SETD5: variants seen among roughly 807,000 people sequenced by gnomAD.
SETD5 encodes the protein histone-lysine N-methyltransferase SETD5.
SETD5 carries 44 observed loss-of-function variants against 153.3 expected under a neutral mutation model. That is an observed-to-expected ratio of 0.29 (90% CI 0.23 to 0.37). SETD5 has a LOEUF of 0.37. Ranked by LOEUF, SETD5 falls within the 10% of genes least tolerant of loss-of-function variation. The pLI, the probability that SETD5 is intolerant of heterozygous loss-of-function variation, is 1.00. For synonymous variants in SETD5, 716 were observed against 645.2 expected, an observed-to-expected ratio of 1.11 and a Z score of -1.66; for missense variants, 1,544 against 1,768.0, an observed-to-expected ratio of 0.87 and a Z score of 2.27.
intron 1 of SETD5, among the ~76,000 whole-genome samples, chr3:9,423,479 C>T (rs1423169790): frequency 1.3e-5 from 2 of 152,098 alleles, no homozygotes; most frequent in African/African-American, 2.4e-5. Context: ...TTCATTTACC[C>T]CCTACTGTAC....
At chr3:9,429,048 C>G in intron 3 of SETD5, 39 bp downstream of exon 3, 1 of 1,471,488 alleles carries the variant, frequency 6.8e-7, no homozygotes, top group Admixed American at 1.7e-5. Flanking sequence ...CATTATCAGT[C>G]TGTGTGGAGA....
At chr3:9,473,746 C>T (rs916669639) in intron 20 of SETD5, among the ~76,000 whole-genome samples, 1 of 152,164 alleles carries the variant, frequency 6.6e-6, no homozygotes. Context: ...TACCAACATG[C>T]CTGTGGAGCA....
At chr3:9,464,186 T>G (rs1232588070) in intron 17 of SETD5, among the ~76,000 whole-genome samples, 1 of 152,140 alleles carries the variant, frequency 6.6e-6, no homozygotes, top group African/African-American at 2.4e-5. Flanking sequence ...AGAAATTAAA[T>G]TAGAGATCAG....
chr3:9,463,336 T>C (rs2044200893), intron 17 of SETD5, among the ~76,000 whole-genome samples: 2 of 152,240 alleles, frequency 1.3e-5, no homozygotes, highest in African/African-American at 4.8e-5. Context: ...TTCTATTTCT[T>C]ACAAATTTTA....
chr3:9,471,607 G>A (rs1414073401), intron 19 of SETD5, among the ~76,000 whole-genome samples: 1 of 152,230 alleles, frequency 6.6e-6, no homozygotes, highest in Non-Finnish European at 1.5e-5. Context: ...TGCAGAGAGT[G>A]CTGGGCTGGG....
At chr3:9,426,853 C>T (rs919103872) in intron 2 of SETD5, among the ~76,000 whole-genome samples, 27 of 152,044 alleles carry the variant, frequency 1.8e-4, no homozygotes, top group African/African-American at 6.5e-4. Flanking sequence ...ATTTCCCAGC[C>T]CAGCTATATG....
intron 3 of SETD5, chr3:9,433,641 T>G: frequency 1.1e-6 from 1 of 940,132 alleles, no homozygotes. Context: ...TGGCTTCATG[T>G]TACACACAAA....
intron 3 of SETD5, chr3:9,431,601 A>G (rs1357614770): frequency 1.1e-5 from 11 of 985,570 alleles, no homozygotes. Context: ...TAAATTTTAT[A>G]TTTGGCATGC....
chr3:9,410,877 C>CTT (rs34787440), intron 1 of SETD5, among the ~76,000 whole-genome samples: 7,282 of 146,084 alleles, frequency 0.05, 257 homozygotes, highest in Admixed American at 0.11. Context: ...TAAAAATTCT[C>CTT]TTTTTTTTTT....
chr3:9,434,493 C>G lies in SETD5; in HGVS notation c.329+8C>G. ...CAACTGTGACAAGTGCAGGTAAGAT[C>G]CTGTTCCATCTAAATTTAAGTCTGG... On this transcript the variant is annotated splice_region_variant and intron_variant, in intron 5 of 22. Transcript: ENST00000402198. This position sits in a 1 kb window ranked among gnomAD's most constrained non-coding sequence, Gnocchi z 5.6. The G allele has an allele frequency of 6.2e-7, 1 of 1,613,860 alleles. No homozygotes were observed. The highest frequency in any genetic ancestry group is 8.5e-7 in the Non-Finnish European group (1 of 1,179,816).
rs2258735 is a variant in SETD5, at chr3:9,448,083, T to C, written c.2103+77T>C. On this transcript the variant is annotated intron_variant, in intron 15 of 22. Transcript: ENST00000402198. ...GTGAAATGAGAGGACCTATAATCCCTAGAAGAAACTAATCTCAATATTACT... is the reference window on the plus strand; with the variant it reads ...GTGAAATGAGAGGACCTATAATCCCCAGAAGAAACTAATCTCAATATTACT... 0.94 allele frequency: 1,331,593 copies of C among 1,421,916 alleles called. 625,277 individuals are homozygous for C. The highest frequency in any genetic ancestry group is 0.98 in the African/African-American group (68,122 of 69,490). The allele number at this position is 1,421,916 out of a possible 1,614,324, so 88.1% of individuals were successfully genotyped here.
In SETD5 at chr3:9,464,965, C is replaced by A. The variant is rs1053626200; in HGVS notation, c.2724+293C>A. 7 of 426,656 alleles carry A rather than the reference C, an allele frequency of 1.6e-5. No homozygotes were observed. The East Asian group carries it at 2.4e-4, about 15-fold the overall frequency. 26.4% of individuals were successfully genotyped at this position (426,656 alleles called of 1,614,324 possible). On this transcript the variant is annotated intron_variant, in intron 18 of 22. Transcript: ENST00000402198. ...GGTAGTAAGCATGCTAGATCTCCAT[C>A]GTTATCTTTACTGTATACTTTGGTC...
chr3:9,433,806 G>T (rs1456760650), intron 3 of SETD5, 39 bp from the exon 4 acceptor site: 2 of 1,579,712 alleles, frequency 1.3e-6, no homozygotes, highest in African/African-American at 1.3e-5. Flanking sequence ...GGAAGATTAG[G>T]TGTTATGCTA....
At chr3:9,457,404 A>G (rs774557390) in intron 17 of SETD5, among the ~76,000 whole-genome samples, 3 of 151,990 alleles carry the variant, frequency 2.0e-5, no homozygotes, top group Non-Finnish European at 4.4e-5. Flanking sequence ...GGAAAATAGC[A>G]TGAACCCAGG....
chr3:9,448,666 G>A (rs1204016830), intron 16 of SETD5, 36 bp downstream of exon 16: 1 of 1,471,130 alleles, frequency 6.8e-7, no homozygotes, highest in Non-Finnish European at 9.0e-7. Context: ...TTGTGTTTAT[G>A]TGTGTGTGCT....
At chr3:9,471,534 G>A (rs909517801) in intron 19 of SETD5, among the ~76,000 whole-genome samples, 2 of 152,244 alleles carry the variant, frequency 1.3e-5, no homozygotes, top group African/African-American at 4.8e-5. Flanking sequence ...CAGGCATGCA[G>A]TATGGTGCAA....
At chr3:9,441,988 A>T in intron 9 of SETD5, 140 bp from the exon 10 acceptor site, 1 of 731,242 alleles carries the variant, frequency 1.4e-6, no homozygotes, top group Non-Finnish European at 2.2e-6. Flanking sequence ...AATCAAAAGC[A>T]GACAAACGTG....
intron 16 of SETD5, among the ~76,000 whole-genome samples, chr3:9,450,383 TAAC>T (rs2042478617): frequency 1.3e-5 from 2 of 152,226 alleles, no homozygotes; most frequent in Non-Finnish European, 2.9e-5. Context: ...AGGATTATCA[TAAC>T]AAGACTATTT....
At chr3:9,402,749 A>G (rs1235238008) in intron 1 of SETD5, among the ~76,000 whole-genome samples, 2 of 152,208 alleles carry the variant, frequency 1.3e-5, no homozygotes, top group African/African-American at 4.8e-5. Flanking sequence ...AGCGGTAGCT[A>G]TAGGAATGTA....
Sources: gnomAD v4.1 joint callset for allele counts (sites outside exome capture counted in the v4.1 genomes callset) on GRCh38, gnomAD v4.1.1 for gene constraint, Gnocchi (gnomAD v3.1) non-coding constraint, MANE v1.5 for transcripts, NCBI Gene and HGNC (gene_info 2026-07-23, HGNC 2026-07-21) for gene names.